Variants in TMPRSS6 observed in about 807,000 individuals in gnomAD.
The protein encoded by TMPRSS6 is transmembrane protease serine 6.
A neutral mutation model predicts 101.5 loss-of-function variants in TMPRSS6; 67 were observed. The ratio of observed to expected loss-of-function variants is 0.66; its 90% CI spans 0.54 to 0.81. The LOEUF is 0.81. TMPRSS6 is among the 30% of genes least tolerant of loss of function. TMPRSS6 has a pLI of 0.00. For missense variants in TMPRSS6, 1,034 were observed against 1,088.7 expected, an observed-to-expected ratio of 0.95 and a Z score of 0.71; for synonymous variants, 453 against 464.9, an observed-to-expected ratio of 0.97 and a Z score of 0.33.
intron 12 of TMPRSS6, among the ~76,000 whole-genome samples, chr22:37,074,387 C>A (rs1197394167): frequency 1.3e-5 from 2 of 152,118 alleles, no homozygotes; most frequent in Non-Finnish European, 2.9e-5. Context: ...AGACCTGGCT[C>A]CCCACTTCTC....
chr22:37,083,606 C>A (rs963727104), intron 10 of TMPRSS6, among the ~76,000 whole-genome samples: 2 of 152,286 alleles, frequency 1.3e-5, no homozygotes, highest in African/African-American at 4.8e-5. Context: ...CCATGGCTTC[C>A]TGGTGGCCAG....
chr22:37,090,866 A>G (rs1320229946), intron 6 of TMPRSS6, among the ~76,000 whole-genome samples: 2 of 152,150 alleles, frequency 1.3e-5, no homozygotes, highest in Non-Finnish European at 2.9e-5. Context: ...TGTGAGGGAG[A>G]CGGAGCAGGT....
rs1362888978 is a variant in TMPRSS6 at position 37,066,940 on chromosome 22, C to G, written c.2136G>C (p.Gln712His). 6.2e-7 allele frequency: 1 copy of G among 1,614,196 alleles called. No individual in the cohort carries two copies. The highest frequency in any genetic ancestry group is 1.7e-5 in the Admixed American group (1 of 60,022). ...REGGPISNAL[Q>H]KVDVQLIPQD... is the part of the protein sequence containing the mutation. ...GTGGGATCAACTGCACATCCACTTT[C>G]TGCAGAGCGTTGCTGATGGGGCCTG... The change falls in exon 17 of 18, where the codon CAG (glutamine) becomes CAC (histidine). Residue 712 changes from glutamine (Q) to histidine (H), a missense_variant. By Grantham distance (24) the Gln-to-His change is conservative. Coordinates refer to ENST00000676104, the MANE Select transcript of TMPRSS6 (RefSeq NM_001374504.1).
At chr22:37,079,657 C>T (rs543095648) in intron 10 of TMPRSS6, among the ~76,000 whole-genome samples, 64 of 152,374 alleles carry the variant, frequency 4.2e-4, no homozygotes, top group Middle Eastern at 3.4e-3. Flanking sequence ...CAGGAACAAG[C>T]TGTGTGACCT....
At chr22:37,109,113 G>T (rs958055516) in intron 1 of TMPRSS6, among the ~76,000 whole-genome samples, 9 of 152,136 alleles carry the variant, frequency 5.9e-5, no homozygotes, top group Non-Finnish European at 1.2e-4. Flanking sequence ...GCAATGTGGG[G>T]CTCCGGGCCT....
At chr22:37,096,216 C>A (rs1409662069) in intron 4 of TMPRSS6, 126 bp from the exon 5 acceptor site, 11 of 1,092,644 alleles carry the variant, frequency 1.0e-5, no homozygotes, top group African/African-American at 1.6e-5. Context: ...CACGCAGAAG[C>A]CTCCTAGCGA....
At position 37,084,331 on chromosome 22, in the gene TMPRSS6, G is replaced by T; in HGVS notation, c.1160C>A (p.Pro387Gln). The T allele has an allele frequency of 6.2e-7, 1 of 1,613,730 alleles. No individual in the cohort carries two copies. Among genetic ancestry groups the T allele is most frequent in the Non-Finnish European group, 8.5e-7 (1 of 1,179,848 alleles). ...GATCGTCCACTGGCCCTGGGTGCAC[G>T]GCAAATCATACTTCTGCCTCCTCAG... ...YALRRQKYDL[P>Q]CTQGQWTIQN... The change falls in exon 10 of 18, where the codon CCG (proline) becomes CAG (glutamine). Residue 387 changes from proline (P) to glutamine (Q), a missense_variant. Pro to Gln is a moderately conservative substitution (Grantham distance 76). Coordinates refer to ENST00000676104, the MANE Select transcript of TMPRSS6 (RefSeq NM_001374504.1).
chr22:37,075,299 G>T lies in TMPRSS6; in HGVS notation c.1197-19C>A, dbSNP rs370184660. The T allele has an allele frequency of 3.1e-6, 5 of 1,612,934 alleles. No individual in the cohort carries two copies. In the South Asian group the frequency reaches 3.3e-5, roughly 11 times the overall value. ...ACACAGCCTGGGGGGAGTCAGAGAC[G>T]ACTCAGGGCTGCACTGGCTGGTCTC... On this transcript the variant is annotated intron_variant, in intron 10 of 17. Transcript: ENST00000676104.
intron 10 of TMPRSS6, chr22:37,083,946 G>C (rs1471380426): frequency 3.8e-6 from 2 of 531,472 alleles, no homozygotes; most frequent in Non-Finnish European, 6.6e-6. Context: ...TGAGTCCTTT[G>C]GCTCTGGAAA....
intron 1 of TMPRSS6, among the ~76,000 whole-genome samples, chr22:37,108,660 T>G (rs1930865588): frequency 6.6e-6 from 1 of 152,326 alleles, no homozygotes; most frequent in East Asian, 1.9e-4. Context: ...GCCAGCCCTG[T>G]GCTGGGCAGT....
intron 13 of TMPRSS6, among the ~76,000 whole-genome samples, chr22:37,072,222 G>C: frequency 1.3e-5 from 1 of 74,110 alleles, no homozygotes; most frequent in Non-Finnish European, 2.6e-5. Context: ...GATGATGGAT[G>C]GATGGATGGA....
At position 37,069,335 on chromosome 22, in the gene TMPRSS6, G is replaced by A. The variant is rs1926663670; in HGVS notation, c.1851C>T (p.Ser617=). ...CCAGGAACACGGTCCACAGCACCGTGGAGGCCATGCTGGGGTGGGGTGGGG... is the reference window on the plus strand; with the variant it reads ...CCAGGAACACGGTCCACAGCACCGTAGAGGCCATGCTGGGGTGGGGTGGGG... ...AHCFQEDSMA[S]TVLWTVFLGK... is the part of the protein sequence containing the mutation. The change falls in exon 16 of 18, where the codon TCC becomes TCT. Residue 617 remains serine, a synonymous_variant. Coordinates refer to ENST00000676104, the MANE Select transcript of TMPRSS6 (RefSeq NM_001374504.1). The surrounding 1 kb of genome is among the most constrained non-coding windows in gnomAD (Gnocchi z 4.8). The A allele has an allele frequency of 2.0e-6, 3 of 1,529,248 alleles. No individual in the cohort carries two copies. The highest frequency in any genetic ancestry group is 5.0e-5 in the East Asian group (2 of 40,082). 94.7% of individuals were successfully genotyped at this position (1,529,248 alleles called of 1,614,324 possible).
intron 8 of TMPRSS6, among the ~76,000 whole-genome samples, chr22:37,085,904 G>A (rs1042055404): frequency 2.0e-5 from 3 of 151,944 alleles, no homozygotes; most frequent in African/African-American, 7.3e-5. Flanking sequence ...AAGGGGAGAG[G>A]GCAGGGAGGG....
At chr22:37,087,691 C>T (rs1480349175) in intron 7 of TMPRSS6, among the ~76,000 whole-genome samples, 1 of 151,976 alleles carries the variant, frequency 6.6e-6, no homozygotes, top group Non-Finnish European at 1.5e-5. Flanking sequence ...CCCACCCTCC[C>T]ATACAGCCAC....
At chr22:37,071,543 ACCT>A (rs1568998318) in intron 13 of TMPRSS6, among the ~76,000 whole-genome samples, 1 of 151,774 alleles carries the variant, frequency 6.6e-6, no homozygotes, top group East Asian at 1.9e-4. Flanking sequence ...TTCATGTCTG[ACCT>A]CCTCCCTGCC....
At chr22:37,082,122 G>A (rs1459886842) in intron 10 of TMPRSS6, among the ~76,000 whole-genome samples, 1 of 152,178 alleles carries the variant, frequency 6.6e-6, no homozygotes, top group South Asian at 2.1e-4. Flanking sequence ...CCTGCTGTTT[G>A]TGGCTGTTGG....
At position 37,069,355 on chromosome 22, in the gene TMPRSS6, G is replaced by C. The variant is rs368080841; in HGVS notation, c.1842-11C>G. 6.8e-7 allele frequency: 1 copy of C among 1,469,020 alleles called. No individual in the cohort carries two copies. The highest frequency in any genetic ancestry group is 9.2e-7 in the Non-Finnish European group (1 of 1,087,920). The allele number at this position is 1,469,020 out of a possible 1,614,324, so 91.0% of individuals were successfully genotyped here. ...ACCGTGGAGGCCATGCTGGGGTGGG[G>C]TGGGGTGGGGTGGGGTGGGGTGAGG... is the stretch of plus-strand genomic sequence containing the variant. On this transcript the variant is annotated splice_polypyrimidine_tract_variant and intron_variant, in intron 15 of 17. Transcript: ENST00000676104. The surrounding 1 kb of genome is among the most constrained non-coding windows in gnomAD (Gnocchi z 4.8).
In TMPRSS6 at chr22:37,080,541, C is replaced by T. The variant is rs970704158; in HGVS notation, c.1196+3754G>A. On this transcript the variant is annotated intron_variant, in intron 10 of 17. Transcript: ENST00000676104. ...CACACAAGCAGATTTCCAACAAATG[C>T]TCATTCTAAGAATTTCTCAGCATCT... is the stretch of plus-strand genomic sequence containing the variant. 3.1e-4 allele frequency among the ~76,000 whole-genome samples: 47 copies of T among 152,266 alleles called. 1 individual carries two copies. The highest frequency in any genetic ancestry group is 6.5e-5 in the Admixed American group (1 of 15,290).
intron 1 of TMPRSS6, among the ~76,000 whole-genome samples, chr22:37,104,683 G>A (rs1028872035): frequency 1.4e-4 from 21 of 152,114 alleles, no homozygotes; most frequent in South Asian, 8.3e-4. Flanking sequence ...CCCCAGGGCC[G>A]GGTGCCGTGG....
Sources: gnomAD v4.1 joint callset for allele counts (sites outside exome capture counted in the v4.1 genomes callset) on GRCh38, gnomAD v4.1.1 for gene constraint, Gnocchi (gnomAD v3.1) non-coding constraint, MANE v1.5 for transcripts, NCBI Gene and HGNC (gene_info 2026-07-23, HGNC 2026-07-21) for gene names.